The following TENM3 variants were observed in gnomAD, a reference collection of about 807,000 sequenced individuals.
The protein encoded by TENM3 is teneurin transmembrane protein 3, also known as teneurin-3.
Under a neutral mutation model 255.1 loss-of-function variants are expected in TENM3, and 63 were observed. The observed-to-expected ratio is 0.25, with a 90% CI of 0.20 to 0.30. TENM3 has a LOEUF of 0.30. TENM3 is among the 10% of genes least tolerant of loss of function. The pLI, the probability that TENM3 is intolerant of heterozygous loss-of-function variation, is 1.00. For synonymous variants in TENM3, 1,306 were observed against 1,322.3 expected (o/e 0.99, Z 0.27); for missense variants, 2,929 against 3,461.1 (o/e 0.85, Z 3.86).
At chr4:182,447,881 G>A (rs901237314) in intron 3 of TENM3, among the ~76,000 whole-genome samples, 2 of 152,056 alleles carry the variant, frequency 1.3e-5, no homozygotes, top group African/African-American at 4.8e-5. Flanking sequence ...TGTTCTGGAA[G>A]AAAAATTAAA....
chr4:181,666,885 A>G, the TENM3 span, among the ~76,000 whole-genome samples: 1 of 152,096 alleles, frequency 6.6e-6, no homozygotes. Flanking sequence ...TGGCTCATCA[A>G]ACGCTCCTGC....
intron 1 of TENM3, among the ~76,000 whole-genome samples, chr4:182,201,672 G>T (rs1476311351): frequency 3.3e-5 from 5 of 152,158 alleles, no homozygotes; most frequent in Admixed American, 2.0e-4. Context: ...ATGGCAGGGT[G>T]GGGGGTCTGG....
the TENM3 span, among the ~76,000 whole-genome samples, chr4:181,913,122 G>T: frequency 1.1e-4 from 16 of 152,128 alleles, no homozygotes; most frequent in African/African-American, 3.9e-4. Context: ...AATAGACCGG[G>T]ATGAGCTGTC....
chr4:182,177,267 T>G (rs1301064074), intron 1 of TENM3, among the ~76,000 whole-genome samples: 1 of 152,266 alleles, frequency 6.6e-6, no homozygotes, highest in Non-Finnish European at 1.5e-5. Flanking sequence ...TTATTTTTAA[T>G]GTGTGATCAC....
chr4:182,466,978 C>T (rs1732663385), intron 3 of TENM3, among the ~76,000 whole-genome samples: 1 of 151,150 alleles, frequency 6.6e-6, no homozygotes, highest in African/African-American at 2.4e-5. Flanking sequence ...TGTTTCTTTT[C>T]TCCCAAGAGT....
the TENM3 span, among the ~76,000 whole-genome samples, chr4:181,605,584 G>GAAA: frequency 0.064 from 4,382 of 68,800 alleles, 783 homozygotes; most frequent in Admixed American, 0.11. Context: ...GAGAAAGAAA[G>GAAA]GAAAGAAAGA....
chr4:182,085,526 T>A, the TENM3 span, among the ~76,000 whole-genome samples: 1 of 152,162 alleles, frequency 6.6e-6, no homozygotes, highest in Non-Finnish European at 1.5e-5. Flanking sequence ...CATGTCAGAT[T>A]TCTCATTAGT....
intron 3 of TENM3, among the ~76,000 whole-genome samples, chr4:182,353,571 A>G (rs73869950): frequency 6.6e-6 from 1 of 152,242 alleles, no homozygotes; most frequent in Non-Finnish European, 1.5e-5. Context: ...TACAATTTCA[A>G]TAGTGACTTG....
intron 3 of TENM3, among the ~76,000 whole-genome samples, chr4:182,420,942 C>T (rs915880257): frequency 6.6e-6 from 1 of 152,012 alleles, no homozygotes; most frequent in African/African-American, 2.4e-5. Context: ...TATACATTAT[C>T]CTGATAGCTA....
At chr4:181,996,904 C>A in the TENM3 span, among the ~76,000 whole-genome samples, 1 of 152,286 alleles carries the variant, frequency 6.6e-6, no homozygotes, top group South Asian at 2.1e-4. Flanking sequence ...ACTGACTCTT[C>A]TGAGGAGCGG....
chr4:181,796,268 C>A, the TENM3 span, among the ~76,000 whole-genome samples: 3 of 152,114 alleles, frequency 2.0e-5, no homozygotes, highest in African/African-American at 7.2e-5. Flanking sequence ...AGGTCTCGGA[C>A]CCAATCACAG....
At chr4:181,477,714 A>G in the TENM3 span, among the ~76,000 whole-genome samples, 4 of 152,188 alleles carry the variant, frequency 2.6e-5, no homozygotes, top group Non-Finnish European at 4.4e-5. Flanking sequence ...AGCAACAACA[A>G]CGAAAAATTG....
chr4:182,046,387 A>G, the TENM3 span, among the ~76,000 whole-genome samples: 1 of 152,060 alleles, frequency 6.6e-6, no homozygotes, highest in Non-Finnish European at 1.5e-5. Context: ...CTACTAAGGT[A>G]TCTGTAAACT....
chr4:182,751,776 G>A (rs1762389108), intron 19 of TENM3, 24 bp from the exon 20 acceptor site: 1 of 1,567,854 alleles, frequency 6.4e-7, no homozygotes, highest in Non-Finnish European at 8.8e-7. Flanking sequence ...TCCCTTTGAT[G>A]TTTATCTATG....
chr4:181,783,040 C>A, the TENM3 span, among the ~76,000 whole-genome samples: 1 of 151,984 alleles, frequency 6.6e-6, no homozygotes, highest in East Asian at 1.9e-4. Context: ...TTTACTTCCA[C>A]CTATGTGGTC....
chr4:181,509,856 G>A, the TENM3 span, among the ~76,000 whole-genome samples: 32 of 152,314 alleles, frequency 2.1e-4, no homozygotes, highest in African/African-American at 7.5e-4. Context: ...AATCACAAGG[G>A]TGAGGGGAAT....
At chr4:181,927,158 C>T in the TENM3 span, among the ~76,000 whole-genome samples, 45 of 152,214 alleles carry the variant, frequency 3.0e-4, no homozygotes, top group East Asian at 5.8e-4. Context: ...GCAAGCGAGA[C>T]GGAACCGTTC....
chr4:182,685,829 A>G (rs1360760919), intron 11 of TENM3, among the ~76,000 whole-genome samples: 2 of 152,106 alleles, frequency 1.3e-5, no homozygotes, highest in East Asian at 1.9e-4. Flanking sequence ...TTATTATAGT[A>G]TATTACCTGA....
intron 1 of TENM3, among the ~76,000 whole-genome samples, chr4:182,204,538 T>G (rs760152935): frequency 2.2e-4 from 34 of 152,188 alleles, no homozygotes; most frequent in Admixed American, 9.8e-4. Context: ...CCCTGCGTCT[T>G]CCAGACACTA....
Sources: gnomAD v4.1 joint callset for allele counts (sites outside exome capture counted in the v4.1 genomes callset) on GRCh38, gnomAD v4.1.1 for gene constraint, MANE v1.5 for transcripts, NCBI Gene and HGNC (gene_info 2026-07-23, HGNC 2026-07-21) for gene names.